VPS13B: variants seen among roughly 807,000 people sequenced by gnomAD.
VPS13B encodes the protein vacuolar protein sorting 13 homolog B.
In VPS13B, 285 loss-of-function variants were observed where a neutral mutation model predicts 426.4. The observed-to-expected ratio is 0.67, with a 90% CI of 0.61 to 0.74. The LOEUF (loss-of-function observed/expected upper bound fraction) is 0.74, where lower values mean the gene tolerates loss of function less well. VPS13B is among the 30% of genes least tolerant of loss of function. The probability of loss-of-function intolerance (pLI) is 0.00; values close to 1 mark genes in which losing one functional copy is unlikely to be tolerated. For synonymous variants in VPS13B, 1,676 were observed against 1,676.4 expected (o/e 1.00, Z 0.01); for missense variants, 4,537 against 4,782.6 (o/e 0.95, Z 1.51).
chr8:99,210,426 G>A (rs971979996), intron 17 of VPS13B, among the ~76,000 whole-genome samples: 2 of 151,900 alleles, frequency 1.3e-5, no homozygotes, highest in African/African-American at 4.8e-5. Context: ...TTTCTATTAT[G>A]GCCATTGGAT....
chr8:99,200,481 G>T (rs1261585478), intron 17 of VPS13B, among the ~76,000 whole-genome samples: 1 of 152,094 alleles, frequency 6.6e-6, no homozygotes, highest in Non-Finnish European at 1.5e-5. Flanking sequence ...GGAGCTGCCA[G>T]ACTGTTTTCC....
At chr8:99,236,951 C>T (rs1328169457) in intron 17 of VPS13B, among the ~76,000 whole-genome samples, 3 of 152,142 alleles carry the variant, frequency 2.0e-5, no homozygotes, top group East Asian at 1.9e-4. Context: ...TCCCACGTGT[C>T]GTGGGAGGGA....
intron 2 of VPS13B, among the ~76,000 whole-genome samples, chr8:99,024,211 A>T (rs757248455): frequency 1.1e-4 from 17 of 152,180 alleles, no homozygotes; most frequent in Non-Finnish European, 2.2e-4. Context: ...CTTTTGAGAA[A>T]TGTCTACTCA....
intron 3 of VPS13B, among the ~76,000 whole-genome samples, chr8:99,088,710 C>G (rs948205039): frequency 1.3e-5 from 2 of 152,144 alleles, no homozygotes; most frequent in African/African-American, 4.8e-5. Flanking sequence ...TCTTTTTATT[C>G]TCCCATTCAT....
intron 34 of VPS13B, among the ~76,000 whole-genome samples, chr8:99,650,137 C>T (rs1554887781): frequency 1.3e-5 from 2 of 152,144 alleles, no homozygotes; most frequent in Non-Finnish European, 2.9e-5. Flanking sequence ...ACTTGGTTTT[C>T]TGGGAAACTT....
At chr8:99,175,008 A>G (rs1401877065) in intron 16 of VPS13B, among the ~76,000 whole-genome samples, 1 of 152,168 alleles carries the variant, frequency 6.6e-6, no homozygotes, top group South Asian at 2.1e-4. Flanking sequence ...CTTTTTCTTA[A>G]TGATTCATGT....
chr8:99,812,996 T>A (rs1316271772), intron 44 of VPS13B, among the ~76,000 whole-genome samples: 1 of 152,192 alleles, frequency 6.6e-6, no homozygotes, highest in Admixed American at 6.5e-5. Context: ...TTTAAAAAAA[T>A]TAAGTAGCTG....
In VPS13B at chr8:99,076,387, C is replaced by T. The variant is rs1015622393; in HGVS notation, c.292-19925C>T. ...TGTTAAGTCTGTTTGGCTTATAGTG[C>T]AGTTTACATCTGATTTTTTTGGTTG... On this transcript the variant is annotated intron_variant, in intron 3 of 61. Transcript: ENST00000357162. Among the ~76,000 whole-genome samples the T allele has an allele frequency of 5.3e-5, 8 of 152,096 alleles. No individual in the cohort carries two copies. The East Asian group carries it at 1.2e-3, about 22-fold the overall frequency.
chr8:99,481,845 T>A (rs1409217291), intron 25 of VPS13B, 43 bp downstream of exon 25: 1 of 1,599,396 alleles, frequency 6.3e-7, no homozygotes, highest in Admixed American at 1.7e-5. Context: ...AAGGTTAATA[T>A]ATAACACAGA....
At chr8:99,835,854 T>G in intron 54 of VPS13B, 116 bp downstream of exon 54, 1 of 1,037,448 alleles carries the variant, frequency 9.6e-7, no homozygotes, top group Non-Finnish European at 1.4e-6. Context: ...TTTCTCTGTG[T>G]GAGAGAACAT....
chr8:99,342,079 A>G (rs568269119), intron 19 of VPS13B, among the ~76,000 whole-genome samples: 1 of 152,298 alleles, frequency 6.6e-6, no homozygotes, highest in South Asian at 2.1e-4. Flanking sequence ...ACAATTTTAG[A>G]TTGTATACTC....
At chr8:99,084,967 G>A (rs891163738) in intron 3 of VPS13B, among the ~76,000 whole-genome samples, 13 of 151,572 alleles carry the variant, frequency 8.6e-5, no homozygotes, top group Non-Finnish European at 1.8e-4. Flanking sequence ...ATGTCTATTA[G>A]GTCTGCTTGG....
chr8:99,056,987 A>G (rs1485624643), intron 3 of VPS13B, among the ~76,000 whole-genome samples: 2 of 152,140 alleles, frequency 1.3e-5, no homozygotes, highest in Admixed American at 6.5e-5. Context: ...GGCATTTTTA[A>G]TATTATCATA....
intron 12 of VPS13B, among the ~76,000 whole-genome samples, chr8:99,141,514 T>TGTAATGGTTTTAGCTATGAAAA (rs1341081922): frequency 6.6e-6 from 1 of 152,174 alleles, no homozygotes; most frequent in African/African-American, 2.4e-5. Flanking sequence ...ATTCTAGAAA[T>TGTAATGGTTTTAGCTATGAAAA]GTAATGGTTT....
chr8:99,065,874 C>G (rs192808224), intron 3 of VPS13B, among the ~76,000 whole-genome samples: 6 of 151,726 alleles, frequency 4.0e-5, no homozygotes, highest in Non-Finnish European at 8.9e-5. Flanking sequence ...AGACAGAGAG[C>G]CAAATCATGA....
At chr8:99,848,072 C>T (rs1454099056) in intron 54 of VPS13B, among the ~76,000 whole-genome samples, 3 of 152,026 alleles carry the variant, frequency 2.0e-5, no homozygotes, top group African/African-American at 7.2e-5. Context: ...TTTAAATAGC[C>T]CTGTTCTGTT....
chr8:99,022,830 T>G (rs1297160099), intron 2 of VPS13B, among the ~76,000 whole-genome samples: 1 of 152,198 alleles, frequency 6.6e-6, no homozygotes, highest in Non-Finnish European at 1.5e-5. Context: ...ATCTCATTGT[T>G]TAATATACTT....
intron 3 of VPS13B, among the ~76,000 whole-genome samples, chr8:99,045,952 T>C (rs750562602): frequency 1.1e-4 from 17 of 152,210 alleles, no homozygotes; most frequent in Non-Finnish European, 1.8e-4. Flanking sequence ...ACTATGGCCT[T>C]ATCATATTGC....
intron 23 of VPS13B, among the ~76,000 whole-genome samples, chr8:99,450,388 C>T (rs945230018): frequency 6.6e-6 from 1 of 152,128 alleles, no homozygotes; most frequent in Non-Finnish European, 1.5e-5. Flanking sequence ...CACCATCTGA[C>T]TCTGGTGGTT....
Sources: allele counts gnomAD v4.1 joint callset (sites outside exome capture counted in the v4.1 genomes callset), GRCh38; gene constraint gnomAD v4.1.1; transcripts MANE v1.5; gene names NCBI Gene and HGNC (gene_info 2026-07-23, HGNC 2026-07-21).